CTBP2: variants seen among roughly 807,000 people sequenced by gnomAD.
CTBP2 encodes the protein C-terminal binding protein 2, also known as C-terminal-binding protein 2.
CTBP2 carries 30 observed loss-of-function variants against 80.3 expected under a neutral mutation model. The observed-to-expected ratio is 0.37, with a 90% CI of 0.28 to 0.51. The LOEUF (loss-of-function observed/expected upper bound fraction) is 0.51. Among genes scored for constraint, CTBP2 ranks in the 20% least tolerant of loss-of-function variants. The pLI is 0.93. For synonymous variants in CTBP2, 594 were observed against 587.4 expected (o/e 1.01, Z -0.16); for missense variants, 1,212 against 1,375.3 (o/e 0.88, Z 1.88).
rs1485104323 is a variant in CTBP2 at position 125,066,318 on chromosome 10, G to A, written c.-101-27163C>T. 6.6e-6 allele frequency among the ~76,000 whole-genome samples: 1 copy of A among 152,132 alleles called. No homozygotes were observed. The highest frequency in any genetic ancestry group is 2.4e-5 in the African/African-American group (1 of 41,432). ...AGAGACTCAATGCTTTGTGTCACAT[G>A]GAGCTACCAACATCAGGACCAGCGA... On this transcript the variant is annotated intron_variant, in intron 2 of 10. Transcript: ENST00000337195. The surrounding 1 kb of genome is among the most constrained non-coding windows in gnomAD (Gnocchi z 4.1).
At chr10:125,043,314 A>T (rs950894415) in intron 2 of CTBP2, among the ~76,000 whole-genome samples, 1 of 152,228 alleles carries the variant, frequency 6.6e-6, no homozygotes. Flanking sequence ...ATTTTACTCA[A>T]TGACCATCAC....
upstream of CTBP2, chr10:125,160,897 ATTTGCTC>A (rs1043420371): frequency 2.7e-5 from 4 of 146,512 alleles, no homozygotes; most frequent in Non-Finnish European, 6.0e-5. Flanking sequence ...CCTCCCGGCT[ATTTGCTC>A]TTCTTTATTT....
chr10:125,076,420 T>A (rs2135510204), intron 2 of CTBP2, among the ~76,000 whole-genome samples: 1 of 152,166 alleles, frequency 6.6e-6, no homozygotes, highest in East Asian at 1.9e-4. Context: ...AGGGTCAAGA[T>A]CTCCTCTGGG....
rs1415496980 is a variant in CTBP2, at chr10:125,025,458, CT to C, written c.1678+623del. Among the ~76,000 whole-genome samples, 7 of 152,312 alleles carry C rather than the reference CT, an allele frequency of 4.6e-5. No individual in the cohort carries two copies. The East Asian group carries it at 1.4e-3, about 29-fold the overall frequency. ...CCCTTCAAGCACGCGGAATTCCCAA[CT>C]GTATTTTCTGATATGAGAGACTAAA... On this transcript the variant is annotated intron_variant, in intron 1 of 8. Coordinates refer to ENST00000309035, the MANE Select transcript of CTBP2 (RefSeq NM_022802.3).
rs373594497 is a variant in CTBP2, at chr10:125,026,258, G to A, written c.1502C>T (p.Pro501Leu). ...GGGGCTGCCGTGAGGGCTGGGCAGC[G>A]GAGAGGCGGCCACGTTGCGCTCCCT... Residue 501 changes from proline to leucine, a missense_variant, in exon 1 of 9, where the codon CCG becomes CTG. Physicochemically the swap from Pro to Leu is moderately conservative, Grantham distance 98. This residue lies in a region of CTBP2 where 848 missense variants were observed against 782.3 expected (regional missense o/e 1.08). Coordinates refer to ENST00000309035, the MANE Select transcript of CTBP2 (RefSeq NM_022802.3). 1.1e-5 allele frequency: 17 copies of A among 1,613,762 alleles called. No individual in the cohort carries two copies. Among genetic ancestry groups the A allele is most frequent in the Non-Finnish European group, 1.4e-5 (16 of 1,179,950 alleles).
At chr10:125,030,319 A>G (rs904790626), upstream of CTBP2, among the ~76,000 whole-genome samples, 1 of 152,236 alleles carries the variant, frequency 6.6e-6, no homozygotes, top group South Asian at 2.1e-4. Context: ...TCAAGTAAAA[A>G]TAAGATGATT....
intron 2 of CTBP2, among the ~76,000 whole-genome samples, chr10:125,094,186 C>T (rs1849203448): frequency 6.6e-6 from 1 of 152,168 alleles, no homozygotes; most frequent in Non-Finnish European, 1.5e-5. Context: ...AAGCCTCATT[C>T]GGATCAGTCT....
intron 2 of CTBP2, among the ~76,000 whole-genome samples, chr10:125,042,888 C>CAGA (rs1222159964): frequency 6.7e-5 from 6 of 90,172 alleles, no homozygotes; most frequent in African/African-American, 3.6e-4. Flanking sequence ...AGCCAAACCG[C>CAGA]ACAAGAAACA....
intron 2 of CTBP2, among the ~76,000 whole-genome samples, chr10:125,040,136 A>C (rs1959232716): frequency 6.6e-6 from 1 of 152,140 alleles, no homozygotes; most frequent in Admixed American, 6.5e-5. Flanking sequence ...CTGGAACTGC[A>C]TTCTTTACAT....
intron 1 of CTBP2, among the ~76,000 whole-genome samples, chr10:125,139,240 G>A (rs529553975): frequency 3.3e-5 from 5 of 151,750 alleles, no homozygotes; most frequent in Middle Eastern, 3.4e-3. Flanking sequence ...GTGTGGTGGC[G>A]CACACCCGTA....
chr10:125,031,020 G>A (rs1958127282), upstream of CTBP2, among the ~76,000 whole-genome samples: 1 of 113,724 alleles, frequency 8.8e-6, no homozygotes, highest in Non-Finnish European at 2.0e-5. Flanking sequence ...CTCCCACAGC[G>A]AGCGCTTCCC....
At chr10:124,998,613 T>C (rs188544403) in intron 3 of CTBP2, 22 of 217,492 alleles carry the variant, frequency 1.0e-4, no homozygotes, top group African/African-American at 5.0e-4. Context: ...TGGCTTTTGG[T>C]TTTAAGCTAT....
At chr10:125,084,934 T>C (rs1847758682) in intron 2 of CTBP2, among the ~76,000 whole-genome samples, 1 of 152,238 alleles carries the variant, frequency 6.6e-6, no homozygotes, top group African/African-American at 2.4e-5. Context: ...TCAGCAGATC[T>C]CTGCCAATGT....
chr10:124,989,391 A>G lies in CTBP2; in HGVS notation c.*127T>C, dbSNP rs1952272738. The stretch of plus-strand genomic sequence containing the variant: ...TAGCTCTTGTAGTTTCAACACTGCA[A>G]CATCAATGATGCATATGTCCAGAAT... On this transcript the variant is annotated 3_prime_UTR_variant, in exon 9 of 9. Transcript: ENST00000309035. The G allele has an allele frequency of 2.9e-6, 3 of 1,041,668 alleles. No homozygotes were observed. In the Admixed American group the frequency reaches 5.1e-5, roughly 18 times the overall value. The allele number at this position is 1,041,668 out of a possible 1,614,324, so 64.5% of individuals were successfully genotyped here. A position where few individuals can be genotyped will look rare whatever the true frequency, so the allele number is the denominator to read the frequency against.
chr10:125,035,482 G>T (rs1022766806), intron 3 of CTBP2, among the ~76,000 whole-genome samples: 5 of 152,154 alleles, frequency 3.3e-5, no homozygotes, highest in African/African-American at 7.2e-5. Flanking sequence ...CGAACAAAAC[G>T]CAGTAAAACG....
At chr10:125,040,545 T>C (rs116454906) in intron 2 of CTBP2, among the ~76,000 whole-genome samples, 3,142 of 150,328 alleles carry the variant, frequency 0.021, 127 homozygotes, top group African/African-American at 0.073. Context: ...ATTTTTTTTT[T>C]CCCAAGGAAT....
intron 2 of CTBP2, among the ~76,000 whole-genome samples, chr10:125,098,108 G>A (rs373942347): frequency 6.6e-6 from 1 of 152,314 alleles, no homozygotes; most frequent in African/African-American, 2.4e-5. Context: ...GCGACAGAGC[G>A]AGACTCTGTC....
intron 1 of CTBP2, chr10:125,026,038 T>TC (rs772596629): frequency 6.5e-7 from 1 of 1,528,632 alleles, no homozygotes. Flanking sequence ...ACCCCCCTGC[T>TC]CCCCCCAGGT....
chr10:125,146,075 C>A (rs1007822357), intron 1 of CTBP2, among the ~76,000 whole-genome samples: 1 of 152,056 alleles, frequency 6.6e-6, no homozygotes, highest in African/African-American at 2.4e-5. Flanking sequence ...AGGTGCCAAC[C>A]ACCATACCTG....
Sources: allele counts gnomAD v4.1 joint callset (sites outside exome capture counted in the v4.1 genomes callset), GRCh38; gene constraint gnomAD v4.1.1; regional missense constraint gnomAD v4.1.1; non-coding constraint Gnocchi (gnomAD v3.1); transcripts MANE v1.5; gene names NCBI Gene and HGNC (gene_info 2026-07-23, HGNC 2026-07-21).